CALCOCO1: variants seen among roughly 807,000 people sequenced by gnomAD.
CALCOCO1 encodes the protein calcium binding and coiled-coil domain 1, also known as calcium-binding and coiled-coil domain-containing protein 1.
In CALCOCO1, 44 loss-of-function variants were observed where a neutral mutation model predicts 86.3. The observed-to-expected ratio is 0.51, with a 90% CI of 0.40 to 0.66. The LOEUF (loss-of-function observed/expected upper bound fraction) is 0.66, where lower values mean the gene tolerates loss of function less well. Among genes scored for constraint, CALCOCO1 ranks in the 30% least tolerant of loss-of-function variants. The pLI is 0.00. For synonymous variants in CALCOCO1, 297 were observed against 327.6 expected (o/e 0.91, Z 1.01); for missense variants, 708 against 851.1 (o/e 0.83, Z 2.09).
rs1203583391 is a variant in CALCOCO1 at position 53,710,294 on chromosome 12, G to T, written c.*1650C>A. 1 of 152,338 alleles carries T rather than the reference G, an allele frequency of 6.6e-6. No individual in the cohort carries two copies. 9.4% of individuals were successfully genotyped at this position (152,338 alleles called of 1,614,324 possible). A position where few individuals can be genotyped will look rare whatever the true frequency, so the allele number is the denominator to read the frequency against. On this transcript the variant is annotated 3_prime_UTR_variant, in exon 15 of 15. Transcript: ENST00000550804. ...GAGACGTGAGGGAAGAAGGAACGAT[G>T]TAAGAAGTCATCCAGGTGGGGCTGG...
chr12:53,716,467 T>C, intron 7 of CALCOCO1, 52 bp from the exon 8 acceptor site: 2 of 1,599,990 alleles, frequency 1.3e-6, no homozygotes, highest in East Asian at 2.2e-5. Context: ...TTGGGGTGGC[T>C]CGGGAGGTGA....
rs560882432 is a variant in CALCOCO1 at position 53,713,840 on chromosome 12, G to T, written c.1652C>A (p.Pro551His). 9 of 1,546,072 alleles carry T rather than the reference G, an allele frequency of 5.8e-6. No individual in the cohort carries two copies. The highest frequency in any genetic ancestry group is 1.4e-5 in the African/African-American group (1 of 72,568). The change falls in exon 13 of 15, where the codon CCC (proline) becomes CAC (histidine). Residue 551 changes from proline (P) to histidine (H), a missense_variant. Pro to His is a moderately conservative substitution (Grantham distance 77). Coordinates refer to ENST00000550804, the MANE Select transcript of CALCOCO1 (RefSeq NM_020898.3). ...DESPEDMRLPPYGLCERGDPG... is the reference protein window; with the variant it reads ...DESPEDMRLPHYGLCERGDPG... Reference sequence around the variant, plus strand: ...GTCTCCACGCTCACAAAGGCCATAGGGTGGGAGCCTCATGTCTTCTGGGGA... The same window carrying T: ...GTCTCCACGCTCACAAAGGCCATAGTGTGGGAGCCTCATGTCTTCTGGGGA...
chr12:53,718,561 C>T (rs1266303933), intron 7 of CALCOCO1, among the ~76,000 whole-genome samples: 1 of 152,084 alleles, frequency 6.6e-6, no homozygotes, highest in Non-Finnish European at 1.5e-5. Context: ...CAGAATCTTG[C>T]TCTGTCACCC....
chr12:53,715,755 G>A, intron 9 of CALCOCO1, 38 bp downstream of exon 9: 1 of 1,603,208 alleles, frequency 6.2e-7, no homozygotes, highest in Non-Finnish European at 8.5e-7. Context: ...GGTGGGGGCA[G>A]TGGCCATCAG....
rs1945711058 is a variant in CALCOCO1 at position 53,715,860 on chromosome 12, C to T, written c.1193G>A (p.Gly398Asp). ...GCATTTTTCTTCCTTCAAGTGCAAA[C>T]CGAGCTCAGCCAGCCTGCCGTTAAC... The part of the protein sequence containing the change: ...AEVNGRLAEL[G>D]LHLKEEKCQW... Residue 398 changes from glycine (G) to aspartate (D), a missense_variant, in exon 9 of 15, where the codon GGT (glycine) becomes GAT (aspartate). Physicochemically the swap from Gly to Asp is moderately conservative, Grantham distance 94. Coordinates refer to ENST00000550804, the MANE Select transcript of CALCOCO1 (RefSeq NM_020898.3). The T allele has an allele frequency of 6.2e-7, 1 of 1,614,028 alleles. No individual in the cohort carries two copies. Among genetic ancestry groups the T allele is most frequent in the Non-Finnish European group, 8.5e-7 (1 of 1,180,042 alleles).
chr12:53,725,083 A>T lies in CALCOCO1; in HGVS notation c.156+4T>A. 6.3e-7 allele frequency: 1 copy of T among 1,589,466 alleles called. No homozygotes were observed. Among genetic ancestry groups the T allele is most frequent in the Non-Finnish European group, 8.6e-7 (1 of 1,168,914 alleles). On this transcript the variant is annotated splice_donor_region_variant and intron_variant, in intron 2 of 14. Transcript: ENST00000550804. ...ACCTAAGCCAAAAGGGGTTCCAGAG[A>T]TACCTTGAAGATGCCAATCCAGTCA...
chr12:53,721,858 T>C (rs775368953), intron 5 of CALCOCO1, 167 bp downstream of exon 5: 1 of 839,850 alleles, frequency 1.2e-6, no homozygotes, highest in Non-Finnish European at 1.9e-6. Flanking sequence ...ACATGTCTCT[T>C]GTCACATCAA....
intron 11 of CALCOCO1, among the ~76,000 whole-genome samples, 152 bp downstream of exon 11, chr12:53,714,445 CT>C (rs1945670613): frequency 6.6e-6 from 1 of 152,214 alleles, no homozygotes; most frequent in Non-Finnish European, 1.5e-5. Context: ...AGATCATCCG[CT>C]GTCCTGCCAA....
intron 1 of CALCOCO1, among the ~76,000 whole-genome samples, chr12:53,727,194 A>AGGGGGCGCCCCCCACCCC (rs1565653054): frequency 1.3e-5 from 2 of 152,248 alleles, no homozygotes; most frequent in East Asian, 3.9e-4. Context: ...GAGGACGACG[A>AGGGGGCGCCCCCCACCCC]GGGGGCGCCC....
At chr12:53,724,062 G>A in intron 3 of CALCOCO1, 1 of 432,632 alleles carries the variant, frequency 2.3e-6, no homozygotes, top group Non-Finnish European at 4.3e-6. Flanking sequence ...ACAGAGTCTT[G>A]CTCCATCGCC....
At position 53,709,835 on chromosome 12, in the gene CALCOCO1, C is replaced by T. The variant is rs1358781129; in HGVS notation, c.*2109G>A. ...CTTTTTTGCACAAGGCAGCCACTCA[C>T]TGGAAGCCAGGAGGTGTGGGTCCCA... On this transcript the variant is annotated 3_prime_UTR_variant, in exon 15 of 15. Transcript: ENST00000550804. The T allele has an allele frequency of 6.6e-6, 1 of 152,200 alleles. No homozygotes were observed. The highest frequency in any genetic ancestry group is 2.4e-5 in the African/African-American group (1 of 41,440). 9.4% of individuals were successfully genotyped at this position (152,200 alleles called of 1,614,324 possible).
chr12:53,712,894 G>A lies in CALCOCO1; in HGVS notation c.1898+206C>T. ...TAAAGGCAGGACCTCTGAGTGCATTGATAAGATAGGGGTAGGGATTACCTG... is the reference window on the plus strand; with the variant it reads ...TAAAGGCAGGACCTCTGAGTGCATTAATAAGATAGGGGTAGGGATTACCTG... On this transcript the variant is annotated intron_variant, in intron 14 of 14. Transcript: ENST00000550804. 3 of 1,447,498 alleles carry A rather than the reference G, an allele frequency of 2.1e-6. 1 individual carries two copies. In the South Asian group the frequency reaches 3.7e-5, roughly 18 times the overall value. 89.7% of individuals were successfully genotyped at this position (1,447,498 alleles called of 1,614,324 possible). A position where few individuals can be genotyped will look rare whatever the true frequency, so the allele number is the denominator to read the frequency against.
rs1945715614 is a variant in CALCOCO1 at position 53,715,997 on chromosome 12, T to C, written c.1056A>G (p.Ala352=). The C allele has an allele frequency of 1.2e-6, 2 of 1,613,836 alleles. No homozygotes were observed. ...GGGTGGCTTTCTGCTGGCTTGAGGC[T>C]GCAAGCTCCTGGGCCCCTCGAAGCT... is the stretch of plus-strand genomic sequence containing the variant. The part of the protein sequence containing the change: ...KEQLRGAQEL[A]ASSQQKATLL... Residue 352 remains alanine, a synonymous_variant, in exon 9 of 15, where the codon GCA becomes GCG. Coordinates refer to ENST00000550804, the MANE Select transcript of CALCOCO1 (RefSeq NM_020898.3).
chr12:53,723,698 AG>A lies in CALCOCO1; in HGVS notation c.344del (p.Pro115LeufsTer14). Reference protein sequence around the residue: ...RQGQVCGQSPPFQFREPRPMD... With the variant: ...RQGQVCGQSPXFQFREPRPMD... Reference sequence around the variant, plus strand: ...TGGGCCTTGGCTCTCGGAACTGGAAAGGGGGGCTCTGCCCACACACCTGGCC... The same window carrying A: ...TGGGCCTTGGCTCTCGGAACTGGAAAGGGGGCTCTGCCCACACACCTGGCC... On this transcript the variant is annotated frameshift_variant, in exon 4 of 15. Coordinates refer to ENST00000550804, the MANE Select transcript of CALCOCO1 (RefSeq NM_020898.3). LOFTEE classifies it high-confidence loss of function. The A allele has an allele frequency of 6.2e-7, 1 of 1,614,198 alleles. No individual in the cohort carries two copies. Among genetic ancestry groups the A allele is most frequent in the Non-Finnish European group, 8.5e-7 (1 of 1,180,022 alleles).
At position 53,711,370 on chromosome 12, in the gene CALCOCO1, G is replaced by T. The variant is rs1381361497; in HGVS notation, c.*574C>A. 4 of 388,940 alleles carry T rather than the reference G, an allele frequency of 1.0e-5. No individual in the cohort carries two copies. Among genetic ancestry groups the T allele is most frequent in the African/African-American group, 6.2e-5 (3 of 48,164 alleles). 24.1% of individuals were successfully genotyped at this position (388,940 alleles called of 1,614,324 possible). Reference sequence around the variant, plus strand: ...AACCCCTCCAAACTGAATACCTAAGGTTATGGAAAAGGCTAGGGTGGGGCA... The same window carrying T: ...AACCCCTCCAAACTGAATACCTAAGTTTATGGAAAAGGCTAGGGTGGGGCA... On this transcript the variant is annotated 3_prime_UTR_variant, in exon 15 of 15. Transcript: ENST00000550804.
chr12:53,712,517 C>A, intron 14 of CALCOCO1: 1 of 227,892 alleles, frequency 4.4e-6, no homozygotes, highest in Non-Finnish European at 8.8e-6. Context: ...AAAACCGGGA[C>A]TAGATGATCA....
intron 4 of CALCOCO1, 124 bp from the exon 5 acceptor site, chr12:53,722,307 T>C: frequency 9.4e-7 from 1 of 1,059,212 alleles, no homozygotes; most frequent in African/African-American, 1.6e-5. Context: ...TATAAAGAGG[T>C]GAGGAAGGGG....
chr12:53,714,739 C>T (rs1419366141), intron 10 of CALCOCO1, 46 bp from the exon 11 acceptor site: 1 of 1,425,186 alleles, frequency 7.0e-7, no homozygotes, highest in Non-Finnish European at 9.9e-7. Flanking sequence ...GAATGTACCT[C>T]CAAGAACCTG....
At position 53,713,830 on chromosome 12, in the gene CALCOCO1, A is replaced by T. The variant is rs1945650105; in HGVS notation, c.1662T>A (p.Leu554=). ...AGGAGCCTGGGTCTCCACGCTCACA[A>T]AGGCCATAGGGTGGGAGCCTCATGT... ...PEDMRLPPYG[L]CERGDPGSSP... Residue 554 remains leucine, a synonymous_variant, in exon 13 of 15, where the codon CTT becomes CTA. Coordinates refer to ENST00000550804, the MANE Select transcript of CALCOCO1 (RefSeq NM_020898.3). 6.4e-7 allele frequency: 1 copy of T among 1,561,820 alleles called. No homozygotes were observed. Among genetic ancestry groups the T allele is most frequent in the African/African-American group, 1.4e-5 (1 of 72,864 alleles).
Sources: gnomAD v4.1 joint callset for allele counts (sites outside exome capture counted in the v4.1 genomes callset) on GRCh38, gnomAD v4.1.1 for gene constraint, MANE v1.5 for transcripts, NCBI Gene and HGNC (gene_info 2026-07-23, HGNC 2026-07-21) for gene names.